The following TTLL11 variants were observed in gnomAD, a reference collection of about 807,000 sequenced individuals.
TTLL11 encodes tubulin tyrosine ligase like 11.
TTLL11 carries 42 observed loss-of-function variants against 51.7 expected under a neutral mutation model. The ratio of observed to expected loss-of-function variants is 0.81; its 90% CI spans 0.64 to 1.05. TTLL11 has a LOEUF of 1.05. TTLL11 is among the 50% of genes least tolerant of loss of function. The probability of loss-of-function intolerance (pLI) is 0.00; values close to 1 mark genes in which losing one functional copy is unlikely to be tolerated. For missense variants in TTLL11, 799 were observed against 940.4 expected (o/e 0.85, Z 1.97); for synonymous variants, 381 against 383.5 (o/e 0.99, Z 0.08).
rs1454699842 is a variant in TTLL11, at chr9:122,047,796, T to A, written c.463-8428A>T. Among the ~76,000 whole-genome samples, 10 of 152,288 alleles carry A rather than the reference T, an allele frequency of 6.6e-5. No homozygotes were observed. The East Asian group carries it at 1.9e-3, about 29-fold the overall frequency. On this transcript the variant is annotated intron_variant, in intron 1 of 8. Coordinates refer to ENST00000321582, the MANE Select transcript of TTLL11 (RefSeq NM_001139442.2). The stretch of plus-strand genomic sequence containing the variant: ...TGTTCTTTAGTTATTTCATGTGTAA[T>A]CCTTATCTCCTTCATTAACACTATG...
chr9:121,843,580 G>T (rs972730229), intron 8 of TTLL11, among the ~76,000 whole-genome samples: 1 of 152,112 alleles, frequency 6.6e-6, no homozygotes, highest in Non-Finnish European at 1.5e-5. Flanking sequence ...AGAAAGGGGT[G>T]GGGGAGGTAA....
Position 121,989,879 on chromosome 9 carries a change from T to C in TTLL11, c.694-109A>G. 1 of 1,505,206 alleles carries C rather than the reference T, an allele frequency of 6.6e-7. No individual in the cohort carries two copies. The highest frequency in any genetic ancestry group is 8.8e-7 in the Non-Finnish European group (1 of 1,136,702). 93.2% of individuals were successfully genotyped at this position (1,505,206 alleles called of 1,614,324 possible). A position where few individuals can be genotyped will look rare whatever the true frequency, so the allele number is the denominator to read the frequency against. On this transcript the variant is annotated intron_variant, in intron 3 of 8. Coordinates refer to ENST00000321582, the MANE Select transcript of TTLL11 (RefSeq NM_001139442.2). This position sits in a 1 kb window ranked among gnomAD's most constrained non-coding sequence, Gnocchi z 4.2. ...GGTGAATGAGTGACAAGATGATCCC[T>C]GCCGATCTGAGCAGGGGCTGAGCAT...
intron 6 of TTLL11, among the ~76,000 whole-genome samples, chr9:121,941,789 A>G (rs972899100): frequency 2.0e-5 from 3 of 152,168 alleles, no homozygotes; most frequent in Non-Finnish European, 4.4e-5. Flanking sequence ...GGCACGGATC[A>G]GTACTCCTCT....
chr9:121,873,642 CTCT>C (rs376804339), intron 6 of TTLL11, among the ~76,000 whole-genome samples: 8,914 of 133,794 alleles, frequency 0.067, 477 homozygotes, highest in African/African-American at 0.15. Flanking sequence ...TCCTCCTCCT[CTCT>C]TCTTCTTCTT....
At chr9:121,899,298 CTTTATTTTTTCTGTCTTA>C (rs1262023539) in intron 6 of TTLL11, among the ~76,000 whole-genome samples, 14 of 150,964 alleles carry the variant, frequency 9.3e-5, no homozygotes, top group African/African-American at 3.4e-4. Flanking sequence ...CACTTCTCTG[CTTTATTTTTTCTGTCTTA>C]ATACTTATCA....
chr9:121,958,154 G>A (rs1023478975), intron 6 of TTLL11, among the ~76,000 whole-genome samples: 1 of 152,186 alleles, frequency 6.6e-6, no homozygotes, highest in Non-Finnish European at 1.5e-5. Context: ...GACTCCAAGA[G>A]GTTAAGTGAC....
intron 8 of TTLL11, among the ~76,000 whole-genome samples, chr9:121,852,262 G>C (rs1465967127): frequency 1.3e-5 from 2 of 152,178 alleles, no homozygotes; most frequent in Non-Finnish European, 2.9e-5. Flanking sequence ...TACTGTTTGG[G>C]CCAGGTGCAT....
chr9:121,903,883 C>T (rs1252821545), intron 6 of TTLL11, among the ~76,000 whole-genome samples: 1 of 152,158 alleles, frequency 6.6e-6, no homozygotes, highest in East Asian at 1.9e-4. Context: ...TGTATCTTTT[C>T]TTCTGTGCTT....
At chr9:122,081,876 C>T (rs1846011420) in intron 1 of TTLL11, among the ~76,000 whole-genome samples, 1 of 151,858 alleles carries the variant, frequency 6.6e-6, no homozygotes, top group Admixed American at 6.6e-5. Context: ...AAAACATAAA[C>T]AAAACAATCC....
At chr9:121,966,599 T>C (rs2131638090) in intron 6 of TTLL11, among the ~76,000 whole-genome samples, 1 of 152,344 alleles carries the variant, frequency 6.6e-6, no homozygotes, top group African/African-American at 2.4e-5. Context: ...GCTGCCCTAA[T>C]ACCTTGAGTG....
chr9:122,030,203 G>GGC (rs1554785382), intron 3 of TTLL11, among the ~76,000 whole-genome samples: 1 of 53,072 alleles, frequency 1.9e-5, no homozygotes, highest in Non-Finnish European at 3.7e-5. Flanking sequence ...GAGAGACATT[G>GGC]GGGGGGGGGG....
At chr9:121,860,550 G>A (rs2131380305) in intron 7 of TTLL11, 107 bp from the exon 8 acceptor site, 4 of 888,306 alleles carry the variant, frequency 4.5e-6, no homozygotes, top group East Asian at 5.3e-5. Flanking sequence ...CAAATCCATA[G>A]GTTGAAATCC....
At chr9:122,077,928 T>C (rs1845902199) in intron 1 of TTLL11, among the ~76,000 whole-genome samples, 1 of 150,850 alleles carries the variant, frequency 6.6e-6, no homozygotes, top group Admixed American at 6.6e-5. Context: ...AACAAAAAGA[T>C]AAGTAGAAAT....
chr9:121,968,384 A>AACCTT (rs1319631604), intron 6 of TTLL11, among the ~76,000 whole-genome samples: 1 of 152,216 alleles, frequency 6.6e-6, no homozygotes, highest in Non-Finnish European at 1.5e-5. Flanking sequence ...CTGGAAACAG[A>AACCTT]ACCTTGCATT....
At chr9:122,087,355 T>C (rs375881519) in intron 1 of TTLL11, among the ~76,000 whole-genome samples, 7 of 152,194 alleles carry the variant, frequency 4.6e-5, no homozygotes, top group African/African-American at 1.7e-4. Context: ...TTCACGAGCA[T>C]AAAACAGTAC....
chr9:122,057,176 T>C (rs1746799051), intron 1 of TTLL11, among the ~76,000 whole-genome samples: 1 of 152,214 alleles, frequency 6.6e-6, no homozygotes, highest in South Asian at 2.1e-4. Context: ...GGCATTTTAC[T>C]GCCTGTAGAT....
rs183379884 is a variant in TTLL11, at chr9:121,845,370, T to C, written c.1840+14967A>G. ...CTCAGACAAACAAAAACTGAAGGGA[T>C]CTGTTGCCAATAGACTTGCTTTGTA... On this transcript the variant is annotated intron_variant, in intron 8 of 8. Coordinates refer to ENST00000321582, the MANE Select transcript of TTLL11 (RefSeq NM_001139442.2). Among the ~76,000 whole-genome samples, 99 of 152,268 alleles carry C rather than the reference T, an allele frequency of 6.5e-4. 2 individuals are homozygous for C. The East Asian group carries it at 0.018, about 28-fold the overall frequency.
rs61740840 is a variant in TTLL11 at position 122,031,741 on chromosome 9, G to T, written c.675C>A (p.Phe225Leu). 22,986 of 1,612,760 alleles carry T rather than the reference G, an allele frequency of 0.014. 964 individuals are homozygous for T. In the Admixed American group the frequency reaches 0.16, roughly 11 times the overall value. ...YPRSWILPDEFQLFVAQVQMV... is the reference protein window; with the variant it reads ...YPRSWILPDELQLFVAQVQMV... Reference sequence around the variant, plus strand: ...CATCTACCTGAGCAACAAAGAGCTGGAACTCGTCAGGCAGAATCCATGAGC... The same window carrying T: ...CATCTACCTGAGCAACAAAGAGCTGTAACTCGTCAGGCAGAATCCATGAGC... The change falls in exon 3 of 9, where the codon TTC becomes TTA. Residue 225 changes from phenylalanine to leucine, a missense_variant. By Grantham distance (22) the Phe-to-Leu change is conservative. Transcript: ENST00000321582.
At chr9:122,010,563 T>C (rs575808242) in intron 3 of TTLL11, among the ~76,000 whole-genome samples, 1 of 152,224 alleles carries the variant, frequency 6.6e-6, no homozygotes, top group Non-Finnish European at 1.5e-5. Flanking sequence ...AGTTACTATC[T>C]GGCTTTTACA....
Sources: gnomAD v4.1 joint callset for allele counts (sites outside exome capture counted in the v4.1 genomes callset) on GRCh38, gnomAD v4.1.1 for gene constraint, Gnocchi (gnomAD v3.1) non-coding constraint, MANE v1.5 for transcripts, NCBI Gene and HGNC (gene_info 2026-07-23, HGNC 2026-07-21) for gene names.